Variants in GABRB1 observed in about 807,000 individuals in gnomAD.
The protein encoded by GABRB1 is gamma-aminobutyric acid type A receptor subunit beta1.
In GABRB1, 17 loss-of-function variants were observed where a neutral mutation model predicts 51.6. The observed-to-expected ratio is 0.33, with a 90% CI of 0.23 to 0.49. The LOEUF (loss-of-function observed/expected upper bound fraction) is 0.49, where lower values mean the gene tolerates loss of function less well. Ranked by LOEUF, GABRB1 falls within the 20% of genes least tolerant of loss-of-function variation. The pLI, the probability that GABRB1 is intolerant of heterozygous loss-of-function variation, is 0.99. For synonymous variants in GABRB1, 247 were observed against 218.9 expected, an observed-to-expected ratio of 1.13 and a Z score of -1.14; for missense variants, 410 against 600.6, an observed-to-expected ratio of 0.68 and a Z score of 3.32.
At chr4:47,032,105 C>A (rs1725332965) in intron 2 of GABRB1, 100 bp downstream of exon 2, 6 of 722,968 alleles carry the variant, frequency 8.3e-6, no homozygotes, top group Non-Finnish European at 1.2e-5. Context: ...ATGTCATTTT[C>A]GTAAGCGTGC....
intron 3 of GABRB1, among the ~76,000 whole-genome samples, chr4:47,088,849 G>A (rs146017392): frequency 3.2e-4 from 49 of 152,220 alleles, no homozygotes; most frequent in South Asian, 3.1e-3. Context: ...TTTACAAGGC[G>A]CACCTTTGCT....
At chr4:47,195,190 C>A (rs1301821715) in intron 4 of GABRB1, among the ~76,000 whole-genome samples, 1 of 152,078 alleles carries the variant, frequency 6.6e-6, no homozygotes, top group Non-Finnish European at 1.5e-5. Flanking sequence ...CACAGTGAAA[C>A]CCCGTCTCTA....
intron 5 of GABRB1, among the ~76,000 whole-genome samples, chr4:47,332,157 C>G (rs7683663): frequency 0.63 from 95,835 of 152,024 alleles, 30,503 homozygotes; most frequent in African/African-American, 0.72. Flanking sequence ...ACCAAATATT[C>G]ATATACTTTT....
chr4:47,061,861 G>T (rs964963413), intron 3 of GABRB1, among the ~76,000 whole-genome samples: 2 of 151,990 alleles, frequency 1.3e-5, no homozygotes, highest in African/African-American at 4.8e-5. Context: ...TTTTCCTCAG[G>T]TGAATTTTTT....
intron 4 of GABRB1, among the ~76,000 whole-genome samples, chr4:47,165,041 G>A (rs1450632260): frequency 6.6e-6 from 1 of 152,072 alleles, no homozygotes; most frequent in Non-Finnish European, 1.5e-5. Flanking sequence ...CGTAAGTTGT[G>A]TTAGGAGACC....
At position 47,426,000 on chromosome 4, in the gene GABRB1, G is replaced by A; in HGVS notation, c.1407G>A (p.Trp469Ter). 2 of 1,596,508 alleles carry A rather than the reference G, an allele frequency of 1.3e-6. No individual in the cohort carries two copies. Among genetic ancestry groups the A allele is most frequent in the Non-Finnish European group, 1.7e-6 (2 of 1,170,164 alleles). The stretch of plus-strand genomic sequence containing the variant: ...TTTCTCTTTTTAATGTCGTCTATTG[G>A]CTTTACTATGTACACTGAGGTCTGT... ...ITFSLFNVVY[W>*]LYYVH The change falls in exon 9 of 9, where the codon TGG (tryptophan) becomes TGA (stop). Residue 469 changes from tryptophan (W) to a stop codon, truncating the protein, a stop_gained. Coordinates refer to ENST00000295454, the MANE Select transcript of GABRB1 (RefSeq NM_000812.4). LOFTEE classifies it high-confidence loss of function.
chr4:47,305,656 A>G (rs1325800697), intron 4 of GABRB1, among the ~76,000 whole-genome samples: 1 of 152,164 alleles, frequency 6.6e-6, no homozygotes, highest in Non-Finnish European at 1.5e-5. Context: ...AATGTGGAGA[A>G]ATATGTGTCA....
intron 4 of GABRB1, among the ~76,000 whole-genome samples, chr4:47,251,890 G>A (rs1276000034): frequency 6.6e-6 from 1 of 152,174 alleles, no homozygotes; most frequent in African/African-American, 2.4e-5. Flanking sequence ...AGCCAGACTT[G>A]AGAACTTGCC....
intron 4 of GABRB1, among the ~76,000 whole-genome samples, chr4:47,214,271 C>G (rs866447409): frequency 6.6e-6 from 1 of 152,190 alleles, no homozygotes; most frequent in East Asian, 1.9e-4. Context: ...GTGGGACTCC[C>G]TTTGTTTACA....
intron 5 of GABRB1, among the ~76,000 whole-genome samples, chr4:47,352,885 A>G (rs1726408384): frequency 6.6e-6 from 1 of 152,200 alleles, no homozygotes; most frequent in African/African-American, 2.4e-5. Flanking sequence ...TTTTCTTTCC[A>G]GTGTTTTTTA....
At chr4:47,043,970 A>T (rs569989693) in intron 3 of GABRB1, among the ~76,000 whole-genome samples, 1 of 152,258 alleles carries the variant, frequency 6.6e-6, no homozygotes, top group South Asian at 2.1e-4. Context: ...CAGAATAAGG[A>T]GAAAGAAGAA....
At chr4:47,107,216 A>T (rs1715005693) in intron 3 of GABRB1, among the ~76,000 whole-genome samples, 1 of 152,110 alleles carries the variant, frequency 6.6e-6, no homozygotes, top group African/African-American at 2.4e-5. Context: ...CTTTTTGTTT[A>T]TGATGATCTC....
Position 47,331,619 on chromosome 4 carries a change from T to A in GABRB1, c.544+11410T>A, listed in dbSNP as rs553530571. Among the ~76,000 whole-genome samples, 74 of 152,248 alleles carry A rather than the reference T, an allele frequency of 4.9e-4. 1 individual carries two copies. Among genetic ancestry groups the A allele is most frequent in the African/African-American group, 1.7e-3 (70 of 41,556 alleles). The stretch of plus-strand genomic sequence containing the variant: ...GTAAAATAAAGCTCATTTTTTAAAA[T>A]CTAAAGCTTTTAGGAAACAACCAAA... On this transcript the variant is annotated intron_variant, in intron 5 of 8. Coordinates refer to ENST00000295454, the MANE Select transcript of GABRB1 (RefSeq NM_000812.4).
intron 4 of GABRB1, among the ~76,000 whole-genome samples, chr4:47,316,974 A>T (rs547179061): frequency 6.6e-6 from 1 of 151,992 alleles, no homozygotes; most frequent in Admixed American, 6.6e-5. Flanking sequence ...AGAACTTACA[A>T]GGTGATTTTA....
intron 4 of GABRB1, among the ~76,000 whole-genome samples, chr4:47,197,621 T>A (rs538031810): frequency 6.6e-6 from 1 of 152,336 alleles, no homozygotes; most frequent in South Asian, 2.1e-4. Context: ...ATAACATACG[T>A]TAATATAAAA....
chr4:47,025,072 G>T (rs1560499951), intron 1 of GABRB1, among the ~76,000 whole-genome samples: 1 of 148,602 alleles, frequency 6.7e-6, no homozygotes, highest in Non-Finnish European at 1.5e-5. Context: ...CATATATATA[G>T]CATATATATC....
intron 3 of GABRB1, among the ~76,000 whole-genome samples, chr4:47,126,272 G>T (rs2109663235): frequency 6.6e-6 from 1 of 152,258 alleles, no homozygotes; most frequent in Admixed American, 6.5e-5. Context: ...GGGCCAAGTT[G>T]GGGGCAAAGA....
intron 4 of GABRB1, among the ~76,000 whole-genome samples, chr4:47,301,493 G>T (rs939838252): frequency 6.6e-6 from 1 of 151,874 alleles, no homozygotes; most frequent in Non-Finnish European, 1.5e-5. Context: ...ATTTAGCCAG[G>T]CATGGTGGTG....
At chr4:47,276,941 T>C (rs1425452619) in intron 4 of GABRB1, among the ~76,000 whole-genome samples, 2 of 151,940 alleles carry the variant, frequency 1.3e-5, no homozygotes, top group Non-Finnish European at 2.9e-5. Flanking sequence ...CTGAGAACCA[T>C]GCCTCTAAAG....
Sources: gnomAD v4.1 joint callset for allele counts (sites outside exome capture counted in the v4.1 genomes callset) on GRCh38, gnomAD v4.1.1 for gene constraint, MANE v1.5 for transcripts, NCBI Gene and HGNC (gene_info 2026-07-23, HGNC 2026-07-21) for gene names.